Variants in NYAP2 observed in about 807,000 individuals in gnomAD.
NYAP2 encodes the protein neuronal tyrosine-phosphorylated phosphoinositide-3-kinase adapter 2.
In NYAP2, 23 loss-of-function variants were observed where a neutral mutation model predicts 50.4. The ratio of observed to expected loss-of-function variants is 0.46; its 90% confidence interval spans 0.33 to 0.65. NYAP2 has a LOEUF of 0.65. Among genes scored for constraint, NYAP2 ranks in the 30% least tolerant of loss-of-function variants. NYAP2 has a pLI of 0.02. For missense variants in NYAP2, 885 were observed against 861.0 expected, an observed-to-expected ratio of 1.03 and a Z score of -0.35; for synonymous variants, 394 against 365.2, an observed-to-expected ratio of 1.08 and a Z score of -0.90.
Position 225,611,242 on chromosome 2 carries a change from A to G in NYAP2, c.1619-15675A>G, listed in dbSNP as rs548884186. The stretch of plus-strand genomic sequence containing the variant: ...GGAAAACTTATAAGACTAGAGCCTC[A>G]ATTCCTCCTCTGTACTGCAACCAGA... On this transcript the variant is annotated intron_variant, in intron 5 of 6. Transcript: ENST00000636099. Among the ~76,000 whole-genome samples the G allele has an allele frequency of 3.9e-5, 6 of 152,262 alleles. No individual in the cohort carries two copies. The South Asian group carries it at 1.2e-3, about 32-fold the overall frequency.
chr2:225,493,039 C>T lies in NYAP2; in HGVS notation c.222-20332C>T, dbSNP rs1198821460. ...TCTCACTGTGTCACCCAGGCTGGAGCGCAGTGACACCATCTCAGCTCACTG... is the reference window on the plus strand; with the variant it reads ...TCTCACTGTGTCACCCAGGCTGGAGTGCAGTGACACCATCTCAGCTCACTG... On this transcript the variant is annotated intron_variant, in intron 3 of 6. Coordinates refer to ENST00000636099, the Ensembl canonical transcript of NYAP2. 1.7e-4 allele frequency among the ~76,000 whole-genome samples: 25 copies of T among 151,358 alleles called. No individual in the cohort carries two copies. The South Asian group carries it at 1.9e-3, about 11-fold the overall frequency.
chr2:225,671,283 T>A, the NYAP2 span, among the ~76,000 whole-genome samples: 1 of 152,182 alleles, frequency 6.6e-6, no homozygotes, highest in South Asian at 2.1e-4. Context: ...CACTGCTTTA[T>A]CAACTAAGCT....
At chr2:225,567,604 G>A (rs1283993325) in intron 4 of NYAP2, among the ~76,000 whole-genome samples, 2 of 152,030 alleles carry the variant, frequency 1.3e-5, no homozygotes, top group Non-Finnish European at 1.5e-5. Context: ...GAAGCCCAAA[G>A]TGAGGGGCAG....
chr2:225,508,791 T>A (rs1690757655), intron 3 of NYAP2, among the ~76,000 whole-genome samples: 1 of 152,228 alleles, frequency 6.6e-6, no homozygotes, highest in African/African-American at 2.4e-5. Flanking sequence ...GAGCTGCCCA[T>A]GGACAACATA....
intron 5 of NYAP2, among the ~76,000 whole-genome samples, chr2:225,623,488 C>T: frequency 6.7e-6 from 1 of 148,706 alleles, no homozygotes; most frequent in Admixed American, 6.7e-5. Flanking sequence ...CAGGATATTT[C>T]TTTTTTTTTT....
At chr2:225,533,081 G>A (rs893336535) in intron 4 of NYAP2, among the ~76,000 whole-genome samples, 2 of 152,170 alleles carry the variant, frequency 1.3e-5, no homozygotes, top group Non-Finnish European at 2.9e-5. Flanking sequence ...CATAGATCAA[G>A]GGCACCTACC....
At chr2:225,649,969 A>T (rs1693701814) in intron 6 of NYAP2, among the ~76,000 whole-genome samples, 1 of 152,212 alleles carries the variant, frequency 6.6e-6, no homozygotes, top group Non-Finnish European at 1.5e-5. Context: ...AGTACAGAGA[A>T]AACACTATTT....
intron 4 of NYAP2, among the ~76,000 whole-genome samples, chr2:225,527,018 T>A (rs1691163865): frequency 6.6e-6 from 1 of 152,148 alleles, no homozygotes; most frequent in Non-Finnish European, 1.5e-5. Flanking sequence ...CTGAGGCTCA[T>A]GAATGAAACA....
At chr2:225,584,722 A>G (rs1254768258) in intron 5 of NYAP2, among the ~76,000 whole-genome samples, 1 of 152,218 alleles carries the variant, frequency 6.6e-6, no homozygotes, top group Non-Finnish European at 1.5e-5. Flanking sequence ...AGACTTATGA[A>G]AATGTTAGCT....
chr2:225,575,921 A>G (rs188162557), intron 4 of NYAP2, among the ~76,000 whole-genome samples: 1 of 152,326 alleles, frequency 6.6e-6, no homozygotes, highest in Admixed American at 6.5e-5. Context: ...GCTCTTTGCC[A>G]TGAAAGGTAC....
intron 3 of NYAP2, among the ~76,000 whole-genome samples, chr2:225,466,689 CATG>C (rs1474615197): frequency 3.3e-5 from 5 of 152,174 alleles, no homozygotes; most frequent in Non-Finnish European, 7.4e-5. Context: ...AAAGTCAAAA[CATG>C]AGGTATGAAA....
chr2:225,602,363 CA>C (rs1553554796), intron 5 of NYAP2, among the ~76,000 whole-genome samples: 5 of 151,780 alleles, frequency 3.3e-5, no homozygotes, highest in African/African-American at 9.7e-5. Flanking sequence ...GAAATATGTC[CA>C]AAAAAGGGTG....
intron 3 of NYAP2, among the ~76,000 whole-genome samples, chr2:225,430,632 A>G (rs1385594791): frequency 6.6e-6 from 1 of 152,212 alleles, no homozygotes; most frequent in Non-Finnish European, 1.5e-5. Flanking sequence ...TCTACAGATA[A>G]GGAAACTGAG....
intron 3 of NYAP2, among the ~76,000 whole-genome samples, chr2:225,485,217 C>T (rs1559192688): frequency 6.6e-6 from 1 of 152,180 alleles, no homozygotes; most frequent in African/African-American, 2.4e-5. Context: ...CCTGCACAAG[C>T]TCTTTTGCCT....
At chr2:225,465,875 C>T (rs1689908552) in intron 3 of NYAP2, among the ~76,000 whole-genome samples, 1 of 152,216 alleles carries the variant, frequency 6.6e-6, no homozygotes, top group Non-Finnish European at 1.5e-5. Context: ...CTTCTACACT[C>T]AATCACTTCT....
At chr2:225,657,896 G>A (rs768479048), downstream of NYAP2, among the ~76,000 whole-genome samples, 1 of 152,230 alleles carries the variant, frequency 6.6e-6, no homozygotes, top group Non-Finnish European at 1.5e-5. Flanking sequence ...TGTAGTTGGA[G>A]AGCATGTGCC....
chr2:225,599,058 C>G (rs1013303941), intron 5 of NYAP2, among the ~76,000 whole-genome samples: 1 of 151,718 alleles, frequency 6.6e-6, no homozygotes, highest in African/African-American at 2.4e-5. Flanking sequence ...ACACCTCCTT[C>G]TCTCTCTCTC....
At chr2:225,426,884 C>T (rs912965041) in intron 3 of NYAP2, among the ~76,000 whole-genome samples, 13 of 152,132 alleles carry the variant, frequency 8.5e-5, no homozygotes, top group Non-Finnish European at 1.3e-4. Flanking sequence ...TAACTAATCC[C>T]GTATTTTACA....
At chr2:225,511,233 G>A (rs952422795) in intron 3 of NYAP2, among the ~76,000 whole-genome samples, 3 of 151,394 alleles carry the variant, frequency 2.0e-5, no homozygotes, top group Admixed American at 6.6e-5. Flanking sequence ...TGCCCCTCAC[G>A]TCCACTATCC....
Sources: gnomAD v4.1 joint callset for allele counts (sites outside exome capture counted in the v4.1 genomes callset) on GRCh38, gnomAD v4.1.1 for gene constraint, MANE v1.5 for transcripts, NCBI Gene and HGNC (gene_info 2026-07-23, HGNC 2026-07-21) for gene names.